Variants in COL15A1 observed in about 807,000 individuals in gnomAD.
COL15A1 encodes collagen type XV alpha 1 chain.
Under a neutral mutation model 165.9 loss-of-function variants are expected in COL15A1, and 111 were observed. That is an observed-to-expected ratio of 0.67 (90% CI 0.57 to 0.78). COL15A1 has a LOEUF of 0.78. Ranked by LOEUF, COL15A1 falls within the 30% of genes least tolerant of loss-of-function variation. The probability of loss-of-function intolerance (pLI) is 0.00; values close to 1 mark genes in which losing one functional copy is unlikely to be tolerated. For synonymous variants in COL15A1, 659 were observed against 674.8 expected (o/e 0.98, Z 0.36); for missense variants, 1,745 against 1,789.7 (o/e 0.98, Z 0.45).
intron 2 of COL15A1, among the ~76,000 whole-genome samples, chr9:98,979,206 C>T (rs141746129): frequency 5.3e-5 from 8 of 152,238 alleles, no homozygotes; most frequent in African/African-American, 1.7e-4. Context: ...ACATATGTAA[C>T]TTTATCTGTT....
Position 98,987,320 on chromosome 9 carries a change from C to T in COL15A1, c.675C>T (p.His225=). 3 of 1,613,570 alleles carry T rather than the reference C, an allele frequency of 1.9e-6. No individual in the cohort carries two copies. The highest frequency in any genetic ancestry group is 1.3e-5 in the African/African-American group (1 of 75,006). The change falls in exon 4 of 42, where the codon CAC becomes CAT. Residue 225 remains histidine (H), a synonymous_variant. Transcript: ENST00000375001. The part of the protein sequence containing the change: ...FTGSLQQLTV[H]PDPRTPEELC... ...GCTCCCTCCAGCAGCTCACCGTGCA[C>T]CCCGACCCCAGGACTCCCGAGGAGC... is the stretch of plus-strand genomic sequence containing the variant.
chr9:99,022,132 T>TG lies in COL15A1; in HGVS notation c.1746dup (p.Pro583AlafsTer27). On this transcript the variant is annotated frameshift_variant, in exon 13 of 42. Coordinates refer to ENST00000375001, the MANE Select transcript of COL15A1 (RefSeq NM_001855.5). LOFTEE classifies it high-confidence loss of function. ...AGCTTCCTGGCCCTCCTGAACCTTC[T>TG]GGGCCTGTTGGACCCACGGTGAGAT... 6.2e-7 allele frequency: 1 copy of TG among 1,614,158 alleles called. No individual in the cohort carries two copies. The highest frequency in any genetic ancestry group is 8.5e-7 in the Non-Finnish European group (1 of 1,179,996).
At position 98,948,880 on chromosome 9, in the gene COL15A1, T is replaced by C. The variant is rs575928244; in HGVS notation, c.100+4630T>C. On this transcript the variant is annotated intron_variant, in intron 2 of 41. Transcript: ENST00000375001. Reference sequence around the variant, plus strand: ...TTTTATTGTGAAATACAACATCCATTCAGAAAAGTGCATGCTAAAGGTACA... The same window carrying C: ...TTTTATTGTGAAATACAACATCCATCCAGAAAAGTGCATGCTAAAGGTACA... 3.9e-5 allele frequency among the ~76,000 whole-genome samples: 6 copies of C among 152,360 alleles called. 1 individual carries two copies. The highest frequency in any genetic ancestry group is 1.4e-4 in the African/African-American group (6 of 41,586).
chr9:98,960,287 C>G (rs1157229883), intron 2 of COL15A1, among the ~76,000 whole-genome samples: 1 of 152,082 alleles, frequency 6.6e-6, no homozygotes, highest in Non-Finnish European at 1.5e-5. Flanking sequence ...GTACTCCCAG[C>G]TACTTGGGAG....
chr9:99,040,604 C>G, intron 23 of COL15A1, 48 bp downstream of exon 23: 1 of 1,614,144 alleles, frequency 6.2e-7, no homozygotes, highest in Non-Finnish European at 8.5e-7. Context: ...TGGCTGCGAT[C>G]ATTCTGTTCC....
chr9:98,949,723 G>A (rs937909708), intron 2 of COL15A1, among the ~76,000 whole-genome samples: 31 of 152,154 alleles, frequency 2.0e-4, no homozygotes, highest in African/African-American at 6.5e-4. Context: ...ATTTTGAAGT[G>A]CACAATTCAG....
At chr9:98,946,002 C>T (rs778802134) in intron 2 of COL15A1, among the ~76,000 whole-genome samples, 3 of 152,162 alleles carry the variant, frequency 2.0e-5, no homozygotes, top group African/African-American at 7.2e-5. Context: ...GAGCTGAGAA[C>T]GGTCTAAGGA....
chr9:99,000,777 C>T (rs1266813162), intron 6 of COL15A1, 62 bp from the exon 7 acceptor site: 2 of 820,832 alleles, frequency 2.4e-6, no homozygotes, highest in Non-Finnish European at 4.3e-6. Flanking sequence ...TGAAGAGATA[C>T]CTCATTCTTT....
At position 99,025,942 on chromosome 9, in the gene COL15A1, C is replaced by A. The variant is rs1274454381; in HGVS notation, c.2019C>A (p.Gly673=). 1.2e-6 allele frequency: 2 copies of A among 1,612,636 alleles called. No individual in the cohort carries two copies. Among genetic ancestry groups the A allele is most frequent in the Non-Finnish European group, 8.5e-7 (1 of 1,179,410 alleles). The change falls in exon 16 of 42, where the codon GGC becomes GGA. Residue 673 remains glycine, a synonymous_variant. Coordinates refer to ENST00000375001, the MANE Select transcript of COL15A1 (RefSeq NM_001855.5). ...AGCCTGGAGTTGATGGAGCCACCGG[C>A]CTTCCCGGGATGAAAGGGGAGAAGG... ...EGQPGVDGAT[G]LPGMKGEKGA...
chr9:98,991,034 G>T (rs1014708241), intron 5 of COL15A1, among the ~76,000 whole-genome samples: 2 of 152,130 alleles, frequency 1.3e-5, no homozygotes, highest in African/African-American at 4.8e-5. Context: ...CAGTGCCTCT[G>T]GAGTTGTTTG....
intron 2 of COL15A1, among the ~76,000 whole-genome samples, chr9:98,946,417 C>T (rs1000975162): frequency 2.7e-4 from 41 of 152,266 alleles, no homozygotes; most frequent in African/African-American, 9.6e-4. Context: ...ATGAGCCCCA[C>T]AATCTGAATG....
At chr9:98,992,326 C>T (rs1838454902) in intron 5 of COL15A1, among the ~76,000 whole-genome samples, 2 of 152,242 alleles carry the variant, frequency 1.3e-5, no homozygotes, top group African/African-American at 4.8e-5. Flanking sequence ...ACCCGGCACA[C>T]CCTCTGCAGC....
chr9:98,969,913 GGTT>G lies in COL15A1; in HGVS notation c.101-15646_101-15644del, dbSNP rs1465538335. Among the ~76,000 whole-genome samples, 7 of 152,264 alleles carry G rather than the reference GGTT, an allele frequency of 4.6e-5. No homozygotes were observed. The East Asian group carries it at 1.3e-3, about 29-fold the overall frequency. ...TGTAAATTGGGAACAAAAAGAGTGG[GGTT>G]GTTGTGAAGAAGTCAGGGGCTATAA... On this transcript the variant is annotated intron_variant, in intron 2 of 41. Transcript: ENST00000375001.
intron 2 of COL15A1, among the ~76,000 whole-genome samples, chr9:98,977,984 A>G (rs1838168064): frequency 6.6e-6 from 1 of 152,024 alleles, no homozygotes; most frequent in African/African-American, 2.4e-5. Flanking sequence ...CAGCTGACCA[A>G]CCATTGGCCA....
At chr9:98,997,199 A>T in intron 6 of COL15A1, 118 bp downstream of exon 6, 5 of 1,244,928 alleles carry the variant, frequency 4.0e-6, no homozygotes, top group Non-Finnish European at 5.6e-6. Flanking sequence ...CAACCCTTTA[A>T]GAAAGGGTGA....
chr9:99,057,630 C>A (rs558090956), intron 35 of COL15A1, among the ~76,000 whole-genome samples: 4 of 152,292 alleles, frequency 2.6e-5, no homozygotes, highest in East Asian at 1.9e-4. Context: ...CATTTAGGAA[C>A]CTTTCCAAGG....
intron 5 of COL15A1, among the ~76,000 whole-genome samples, chr9:98,990,738 G>C (rs1838405913): frequency 6.6e-6 from 1 of 152,214 alleles, no homozygotes; most frequent in Non-Finnish European, 1.5e-5. Flanking sequence ...TTTGGACAGA[G>C]ATAGAGAAGT....
chr9:98,996,630 C>T (rs761560272), intron 5 of COL15A1, among the ~76,000 whole-genome samples: 3 of 152,218 alleles, frequency 2.0e-5, no homozygotes, highest in Non-Finnish European at 2.9e-5. Context: ...CTTTACTGGG[C>T]ACCTCCTCTG....
At position 98,958,079 on chromosome 9, in the gene COL15A1, A is replaced by G. The variant is rs78193552; in HGVS notation, c.100+13829A>G. On this transcript the variant is annotated intron_variant, in intron 2 of 41. Transcript: ENST00000375001. ...GTCGCCACCAGCCACGGAGGAGCCC[A>G]TGACATGCCGGAGGCAACTATGGCA... 3.9e-5 allele frequency among the ~76,000 whole-genome samples: 6 copies of G among 152,366 alleles called. No individual in the cohort carries two copies. The East Asian group carries it at 7.7e-4, about 20-fold the overall frequency.
Sources: allele counts gnomAD v4.1 joint callset (sites outside exome capture counted in the v4.1 genomes callset), GRCh38; gene constraint gnomAD v4.1.1; transcripts MANE v1.5; gene names NCBI Gene and HGNC (gene_info 2026-07-23, HGNC 2026-07-21).